The following TSPAN19 variants were observed in gnomAD, a reference collection of about 807,000 sequenced individuals.
TSPAN19 encodes the protein tetraspanin 19, also known as tetraspanin-19.
A neutral mutation model predicts 35.1 loss-of-function variants in TSPAN19; 44 were observed. That is an observed-to-expected ratio of 1.25 (90% CI 0.98 to 1.61). The LOEUF is 1.61. TSPAN19 is among the 40% of genes most tolerant of loss of function. TSPAN19 has a pLI of 0.00. For missense variants in TSPAN19, 290 were observed against 280.0 expected (o/e 1.04, Z -0.26); for synonymous variants, 79 against 92.0 (o/e 0.86, Z 0.81).
intron 5 of TSPAN19, among the ~76,000 whole-genome samples, chr12:85,020,851 CTT>C (rs1455110585): frequency 6.6e-6 from 1 of 151,770 alleles, no homozygotes; most frequent in Non-Finnish European, 1.5e-5. Flanking sequence ...TTTTTGGAGT[CTT>C]TATTTTTTGG....
At chr12:85,021,056 G>A (rs978815931) in intron 5 of TSPAN19, among the ~76,000 whole-genome samples, 4 of 152,044 alleles carry the variant, frequency 2.6e-5, no homozygotes, top group South Asian at 2.1e-4. Flanking sequence ...AACGATTGTC[G>A]TAGTAACTTA....
At chr12:85,034,961 C>G (rs746746046) in intron 1 of TSPAN19, among the ~76,000 whole-genome samples, 5 of 152,040 alleles carry the variant, frequency 3.3e-5, no homozygotes, top group Non-Finnish European at 7.4e-5. Context: ...ATTATGAAAA[C>G]TAGTTATTCA....
intron 7 of TSPAN19, chr12:85,016,518 GCACTGTGATA>G (rs1876813948): frequency 6.6e-6 from 1 of 151,876 alleles, no homozygotes; most frequent in Non-Finnish European, 1.5e-5. Flanking sequence ...TTGAACACAG[GCACTGTGATA>G]CCTCAACAGT....
chr12:85,028,572 T>C (rs756835381), intron 3 of TSPAN19, among the ~76,000 whole-genome samples: 9 of 152,152 alleles, frequency 5.9e-5, no homozygotes, highest in East Asian at 3.8e-4. Context: ...GAACAATAAA[T>C]GCTCAACAAA....
rs1174596467 is a variant in TSPAN19 at position 85,033,081 on chromosome 12, T to C, written c.-27-3108A>G. 3.9e-5 allele frequency among the ~76,000 whole-genome samples: 6 copies of C among 152,192 alleles called. No individual in the cohort carries two copies. In the East Asian group the frequency reaches 9.6e-4, roughly 24 times the overall value. ...GAGTCAAATATTAAAACCTGAATTA[T>C]GTGTTGAGGTGGGGACAGGAAATAA... On this transcript the variant is annotated intron_variant, in intron 1 of 8. Transcript: ENST00000532498.
chr12:85,022,237 A>T (rs1467694914), intron 5 of TSPAN19, among the ~76,000 whole-genome samples: 1 of 152,056 alleles, frequency 6.6e-6, no homozygotes, highest in Non-Finnish European at 1.5e-5. Context: ...ACACACACAC[A>T]CACATACATT....
chr12:85,023,528 T>C (rs1333997910), intron 4 of TSPAN19, 128 bp from the exon 5 acceptor site: 5 of 610,418 alleles, frequency 8.2e-6, no homozygotes, highest in Non-Finnish European at 1.3e-5. Context: ...TGCTGAGGCT[T>C]CCTGCCTTCA....
At chr12:85,026,296 C>G (rs760881447) in intron 4 of TSPAN19, among the ~76,000 whole-genome samples, 12 of 151,970 alleles carry the variant, frequency 7.9e-5, no homozygotes, top group Non-Finnish European at 1.5e-4. Context: ...GTTTTTATAT[C>G]CAAAATCTGA....
intron 1 of TSPAN19, among the ~76,000 whole-genome samples, chr12:85,032,779 C>A (rs776800270): frequency 6.6e-6 from 1 of 152,088 alleles, no homozygotes; most frequent in Non-Finnish European, 1.5e-5. Flanking sequence ...TGTGAAAGAT[C>A]TATATTTTCT....
chr12:85,027,970 A>T lies in TSPAN19; in HGVS notation c.193T>A (p.Ser65Thr). 1 of 1,600,912 alleles carries T rather than the reference A, an allele frequency of 6.2e-7. No homozygotes were observed. The highest frequency in any genetic ancestry group is 8.5e-7 in the Non-Finnish European group (1 of 1,172,772). Reference protein sequence around the residue: ...PISQILIGMGSSTVLFCLLGY... With the variant: ...PISQILIGMGTSTVLFCLLGY... The stretch of plus-strand genomic sequence containing the variant: ...AATAGACAAAAAAGAACAGTAGAAG[A>T]TCCCATTCCAATCAAAATTTGAGAA... Residue 65 changes from serine (S) to threonine (T), a missense_variant, in exon 4 of 9, where the codon TCT becomes ACT. Coordinates refer to ENST00000532498, the MANE Select transcript of TSPAN19 (RefSeq NM_001100917.2).
chr12:85,035,257 C>G (rs1415042634), intron 1 of TSPAN19: 1 of 151,406 alleles, frequency 6.6e-6, no homozygotes, highest in African/African-American at 2.4e-5. Context: ...GACCCTGTCT[C>G]TAAAAAAACA....
intron 6 of TSPAN19, 46 bp from the exon 7 acceptor site, chr12:85,017,645 C>T: frequency 7.0e-7 from 1 of 1,432,508 alleles, no homozygotes; most frequent in Non-Finnish European, 9.4e-7. Context: ...GTTCAAAATG[C>T]AGTTAATTAT....
chr12:85,030,039 T>C lies in TSPAN19; in HGVS notation c.-27-66A>G, dbSNP rs994832460. ...AACTTTAAATATTTCTCCCTACTTA[T>C]GTTCTTTATTTGCACATTTTTCTTC... On this transcript the variant is annotated intron_variant, in intron 1 of 8. Transcript: ENST00000532498. The C allele has an allele frequency of 4.2e-6, 5 of 1,197,768 alleles. No homozygotes were observed. The Admixed American group carries it at 9.9e-5, about 24-fold the overall frequency. 74.2% of individuals were successfully genotyped at this position (1,197,768 alleles called of 1,614,324 possible). A position where few individuals can be genotyped will look rare whatever the true frequency, so the allele number is the denominator to read the frequency against.
chr12:85,027,094 T>C (rs181942468), intron 4 of TSPAN19, among the ~76,000 whole-genome samples: 1 of 152,300 alleles, frequency 6.6e-6, no homozygotes, highest in African/African-American at 2.4e-5. Flanking sequence ...TGTATGGTAA[T>C]TGGCTCATGT....
At chr12:85,028,877 C>T (rs1877550986) in intron 3 of TSPAN19, among the ~76,000 whole-genome samples, 1 of 152,072 alleles carries the variant, frequency 6.6e-6, no homozygotes. Context: ...GCACCTAAAC[C>T]AGTTGGGGGA....
At chr12:85,023,918 A>T (rs1424542038) in intron 4 of TSPAN19, among the ~76,000 whole-genome samples, 3 of 151,856 alleles carry the variant, frequency 2.0e-5, no homozygotes, top group South Asian at 2.1e-4. Context: ...AGACTATTTA[A>T]TTTTTTTTTA....
chr12:85,017,656 A>G, intron 6 of TSPAN19, 57 bp from the exon 7 acceptor site: 1 of 1,343,208 alleles, frequency 7.4e-7, no homozygotes. Context: ...AGTTAATTAT[A>G]TGAGATTAAT....
At chr12:85,020,028 T>C (rs1877039695) in intron 5 of TSPAN19, among the ~76,000 whole-genome samples, 1 of 151,904 alleles carries the variant, frequency 6.6e-6, no homozygotes, top group South Asian at 2.1e-4. Flanking sequence ...TCTCATACTC[T>C]CAGGAAAAAA....
rs192436000 is a variant in TSPAN19 at position 85,019,870 on chromosome 12, C to G, written c.340-134G>C. On this transcript the variant is annotated intron_variant, in intron 5 of 8. Coordinates refer to ENST00000532498, the MANE Select transcript of TSPAN19 (RefSeq NM_001100917.2). ...TTATTTTTCTGTTTTCTGTTTATTTCTTTTTAAAATAACTTTTTAACACTT... is the reference window on the plus strand; with the variant it reads ...TTATTTTTCTGTTTTCTGTTTATTTGTTTTTAAAATAACTTTTTAACACTT... 7.3e-4 allele frequency: 399 copies of G among 547,348 alleles called. 2 individuals carry two copies. Among genetic ancestry groups the G allele is most frequent in the Admixed American group, 2.5e-3 (70 of 28,390 alleles). The allele number at this position is 547,348 out of a possible 1,614,324, so 33.9% of individuals were successfully genotyped here. A position where few individuals can be genotyped will look rare whatever the true frequency, so the allele number is the denominator to read the frequency against.
Sources: allele counts gnomAD v4.1 joint callset (sites outside exome capture counted in the v4.1 genomes callset), GRCh38; gene constraint gnomAD v4.1.1; transcripts MANE v1.5; gene names NCBI Gene and HGNC (gene_info 2026-07-23, HGNC 2026-07-21).